The following FMN1 variants were observed in gnomAD, a reference collection of about 807,000 sequenced individuals.
FMN1 encodes the protein formin-1.
A neutral mutation model predicts 132.4 loss-of-function variants in FMN1; 110 were observed. The observed-to-expected ratio is 0.83, with a 90% CI of 0.71 to 0.97. FMN1 has a LOEUF of 0.97. FMN1 is among the 50% of genes least tolerant of loss of function. FMN1 has a pLI of 0.00. For synonymous variants in FMN1, 722 were observed against 651.7 expected, an observed-to-expected ratio of 1.11 and a Z score of -1.64; for missense variants, 1,792 against 1,705.3, an observed-to-expected ratio of 1.05 and a Z score of -0.90.
chr15:32,988,874 A>G (rs1218912001), intron 7 of FMN1, among the ~76,000 whole-genome samples: 1 of 152,200 alleles, frequency 6.6e-6, no homozygotes, highest in East Asian at 1.9e-4. Flanking sequence ...AATATCACAA[A>G]TTCAAGTAAG....
intron 2 of FMN1, among the ~76,000 whole-genome samples, chr15:33,191,980 A>T (rs1966094640): frequency 6.6e-6 from 1 of 152,162 alleles, no homozygotes; most frequent in South Asian, 2.1e-4. Context: ...AATAATAGCT[A>T]CTCTTAAAAC....
intron 6 of FMN1, among the ~76,000 whole-genome samples, chr15:33,045,574 C>T (rs1371836610): frequency 1.3e-5 from 2 of 152,188 alleles, no homozygotes; most frequent in Non-Finnish European, 2.9e-5. Flanking sequence ...ATCCAAGTTT[C>T]TTCATGCAAA....
In FMN1 at chr15:32,771,411, A is replaced by G. The variant is rs940965949; in HGVS notation, c.*2899T>C. 6.6e-6 allele frequency: 1 copy of G among 152,098 alleles called. No individual in the cohort carries two copies. Among genetic ancestry groups the G allele is most frequent in the African/African-American group, 2.4e-5 (1 of 41,416 alleles). 9.4% of individuals were successfully genotyped at this position (152,098 alleles called of 1,614,324 possible). ...GATGCTTTTTACCTAACGTGTCTGT[A>G]GTGTAATTTATGATGTACTTTGTGT... On this transcript the variant is annotated 3_prime_UTR_variant, in exon 21 of 21. Coordinates refer to ENST00000616417, the MANE Select transcript of FMN1 (RefSeq NM_001277313.2).
intron 9 of FMN1, among the ~76,000 whole-genome samples, chr15:32,928,355 A>G (rs1043728675): frequency 1.2e-4 from 19 of 152,192 alleles, no homozygotes; most frequent in Admixed American, 3.3e-4. Flanking sequence ...GCATAATACA[A>G]TATCTTCCTT....
chr15:32,927,701 A>G (rs558470152), intron 9 of FMN1, among the ~76,000 whole-genome samples: 1 of 152,376 alleles, frequency 6.6e-6, no homozygotes, highest in East Asian at 1.9e-4. Context: ...TAGTAAACCA[A>G]ATCAGCTCCC....
At position 32,964,159 on chromosome 15, in the gene FMN1, T is replaced by G; in HGVS notation, c.3086A>C (p.Gln1029Pro). ...EYLFSKDTTQ[Q>P]KKKPLSETYE... is the part of the protein sequence containing the mutation. The stretch of plus-strand genomic sequence containing the variant: ...AGTCTCTGACAGAGGTTTTTTCTTC[T>G]GTTGAGTTGTGTCTTTGGAGAATAA... Residue 1029 changes from glutamine (Q) to proline (P), a missense_variant, in exon 9 of 21, where the codon CAG becomes CCG. Physicochemically the swap from Gln to Pro is moderately conservative, Grantham distance 76. Around this residue, in one of 3 missense-constraint regions of FMN1, gnomAD observed 1,150 missense variants for 1,043.1 expected, o/e 1.10. Coordinates refer to ENST00000616417, the MANE Select transcript of FMN1 (RefSeq NM_001277313.2). The G allele has an allele frequency of 6.2e-7, 1 of 1,613,614 alleles. No individual in the cohort carries two copies. Among genetic ancestry groups the G allele is most frequent in the East Asian group, 2.2e-5 (1 of 44,850 alleles).
chr15:33,072,752 G>A (rs2038045878), intron 5 of FMN1, among the ~76,000 whole-genome samples: 1 of 152,032 alleles, frequency 6.6e-6, no homozygotes, highest in Non-Finnish European at 1.5e-5. Flanking sequence ...GCGAAATCCT[G>A]TCTCTACTAA....
intron 4 of FMN1, among the ~76,000 whole-genome samples, chr15:33,126,398 T>G (rs1270950628): frequency 2.0e-5 from 3 of 152,134 alleles, no homozygotes; most frequent in Admixed American, 1.3e-4. Flanking sequence ...AAAAGGAGCC[T>G]GGAGGCCCAG....
intron 4 of FMN1, among the ~76,000 whole-genome samples, chr15:33,101,809 T>C (rs2039303979): frequency 6.6e-6 from 1 of 152,102 alleles, no homozygotes; most frequent in Non-Finnish European, 1.5e-5. Flanking sequence ...AATTCTTTGG[T>C]TGGATAGGGA....
chr15:32,935,435 A>C (rs1200984294), intron 9 of FMN1, among the ~76,000 whole-genome samples: 1 of 152,086 alleles, frequency 6.6e-6, no homozygotes, highest in East Asian at 1.9e-4. Flanking sequence ...TAATGTGCTC[A>C]GTGTGGTCTT....
intron 4 of FMN1, among the ~76,000 whole-genome samples, chr15:33,126,522 T>C (rs1963089669): frequency 6.6e-6 from 1 of 152,186 alleles, no homozygotes. Flanking sequence ...ATTCGCTGAG[T>C]ACCTCCAAAA....
At chr15:33,115,742 C>T (rs147924415) in intron 4 of FMN1, among the ~76,000 whole-genome samples, 16 of 152,168 alleles carry the variant, frequency 1.1e-4, no homozygotes, top group African/African-American at 2.4e-4. Flanking sequence ...ACCTATGCTC[C>T]GCTCCCATGT....
intron 16 of FMN1, 28 bp downstream of exon 16, chr15:32,888,144 A>G: frequency 1.9e-6 from 3 of 1,567,624 alleles, no homozygotes; most frequent in Admixed American, 2.0e-5. Context: ...CTTAGCTATT[A>G]TCATAATAGC....
intron 9 of FMN1, 59 bp downstream of exon 9, chr15:32,964,048 C>CACACAG (rs753118665): frequency 2.7e-6 from 3 of 1,124,840 alleles, no homozygotes; most frequent in Non-Finnish European, 3.9e-6. Flanking sequence ...CACACACACA[C>CACACAG]ATATATACCA....
At position 32,969,571 on chromosome 15, in the gene FMN1, T is replaced by C. The variant is rs200380222; in HGVS notation, c.2224-94A>G. 2.5e-5 allele frequency: 33 copies of C among 1,324,606 alleles called. No individual in the cohort carries two copies. The East Asian group carries it at 7.2e-4, about 29-fold the overall frequency. 82.1% of individuals were successfully genotyped at this position (1,324,606 alleles called of 1,614,324 possible). ...CAATAATACCATCATGGTGCCACTGTAGCATGGCCCACATAAATGCAGGGA... is the reference window on the plus strand; with the variant it reads ...CAATAATACCATCATGGTGCCACTGCAGCATGGCCCACATAAATGCAGGGA... On this transcript the variant is annotated intron_variant, in intron 7 of 20. Coordinates refer to ENST00000616417, the MANE Select transcript of FMN1 (RefSeq NM_001277313.2).
chr15:32,866,898 CCT>C (rs2059405101), intron 16 of FMN1, among the ~76,000 whole-genome samples: 2 of 152,192 alleles, frequency 1.3e-5, no homozygotes, highest in Admixed American at 1.3e-4. Context: ...TTCTGCCTGC[CCT>C]GTTTCCTATG....
At chr15:32,809,877 A>C (rs1270344841) in intron 17 of FMN1, among the ~76,000 whole-genome samples, 1 of 152,058 alleles carries the variant, frequency 6.6e-6, no homozygotes, top group Non-Finnish European at 1.5e-5. Context: ...ATCTGTTTTC[A>C]GAGTTTTTCT....
At chr15:33,083,381 T>A (rs2038562437) in intron 5 of FMN1, among the ~76,000 whole-genome samples, 1 of 152,200 alleles carries the variant, frequency 6.6e-6, no homozygotes, top group Non-Finnish European at 1.5e-5. Flanking sequence ...CTTATGTTAA[T>A]GAGGTGACTT....
intron 4 of FMN1, chr15:33,150,940 C>G (rs1964414633): frequency 1.8e-5 from 19 of 1,042,172 alleles, no homozygotes; most frequent in Non-Finnish European, 2.2e-5. Flanking sequence ...TGGCAACTCT[C>G]TGAGCCCTCT....
Sources: gnomAD v4.1 joint callset for allele counts (sites outside exome capture counted in the v4.1 genomes callset) on GRCh38, gnomAD v4.1.1 for gene constraint, gnomAD v4.1.1 regional missense constraint, MANE v1.5 for transcripts, NCBI Gene and HGNC (gene_info 2026-07-23, HGNC 2026-07-21) for gene names.